ZNF676: variants seen among roughly 807,000 people sequenced by gnomAD.
ZNF676 encodes zinc finger protein 676.
A neutral mutation model predicts 6.0 loss-of-function variants in ZNF676; 4 were observed. The observed-to-expected ratio is 0.67, with a 90% confidence interval of 0.33 to 1.53. The LOEUF (loss-of-function observed/expected upper bound fraction) is 1.53, where lower values mean the gene tolerates loss of function less well. ZNF676 is among the 40% of genes most tolerant of loss of function. The pLI is 0.06. For synonymous variants in ZNF676, 198 were observed against 223.1 expected (o/e 0.89, Z 1.00); for missense variants, 644 against 679.7 (o/e 0.95, Z 0.58).
chr19:22,244,452 C>T, the ZNF676 span: 90,258 of 152,044 alleles, frequency 0.59, 27,586 homozygotes, highest in Non-Finnish European at 0.67. Flanking sequence ...ATTCCAGGTA[C>T]GGGAATCATC....
chr19:22,219,768 G>C (rs193055154), upstream of ZNF676, among the ~76,000 whole-genome samples: 4 of 151,542 alleles, frequency 2.6e-5, no homozygotes, highest in African/African-American at 4.9e-5. Flanking sequence ...CGATTCTCCC[G>C]CCTCAGCCTC....
At chr19:22,200,859 AT>A (rs113127118), upstream of ZNF676, among the ~76,000 whole-genome samples, 4 of 150,738 alleles carry the variant, frequency 2.7e-5, no homozygotes, top group South Asian at 2.1e-4. Flanking sequence ...TGCTTCTTCT[AT>A]TTTTTTTTAT....
At chr19:22,239,222 G>T in the ZNF676 span, among the ~76,000 whole-genome samples, 58 of 125,894 alleles carry the variant, frequency 4.6e-4, no homozygotes, top group South Asian at 7.4e-4. Context: ...TTTTTTTTGA[G>T]ATGGAGTCTC....
At chr19:22,183,629 C>T (rs1454541795) in intron 2 of ZNF676, among the ~76,000 whole-genome samples, 5 of 152,170 alleles carry the variant, frequency 3.3e-5, no homozygotes, top group African/African-American at 1.2e-4. Context: ...CACGAGCCGC[C>T]ATGCCCAGGT....
the ZNF676 span, among the ~76,000 whole-genome samples, chr19:22,245,788 G>A: frequency 6.6e-6 from 1 of 152,064 alleles, no homozygotes; most frequent in Non-Finnish European, 1.5e-5. Flanking sequence ...CTTGATGTTG[G>A]ACCCAGCCAT....
At chr19:22,260,233 C>A in the ZNF676 span, among the ~76,000 whole-genome samples, 1 of 152,090 alleles carries the variant, frequency 6.6e-6, no homozygotes, top group African/African-American at 2.4e-5. Flanking sequence ...ATTAGTAACT[C>A]CACACAGCGG....
the ZNF676 span, among the ~76,000 whole-genome samples, chr19:22,242,507 C>A: frequency 2.6e-5 from 4 of 151,920 alleles, no homozygotes; most frequent in African/African-American, 9.7e-5. Context: ...TAGAAATCGC[C>A]AATTTCCTAG....
chr19:22,189,173 A>G (rs1332236583), intron 2 of ZNF676, among the ~76,000 whole-genome samples: 6 of 152,298 alleles, frequency 3.9e-5, no homozygotes, highest in African/African-American at 1.4e-4. Flanking sequence ...GACAACTGAA[A>G]CAGAACAGAG....
At chr19:22,225,410 G>A in the ZNF676 span, among the ~76,000 whole-genome samples, 4 of 152,064 alleles carry the variant, frequency 2.6e-5, no homozygotes, top group African/African-American at 9.7e-5. Context: ...GGTACAATAA[G>A]CATAAATGTT....
chr19:22,197,657 C>G (rs189181755), upstream of ZNF676, among the ~76,000 whole-genome samples: 3 of 152,018 alleles, frequency 2.0e-5, no homozygotes, highest in East Asian at 3.9e-4. Context: ...CAGACAAATG[C>G]AAAGGAAACC....
intron 2 of ZNF676, among the ~76,000 whole-genome samples, chr19:22,185,685 T>C (rs890631216): frequency 6.6e-6 from 1 of 151,974 alleles, no homozygotes; most frequent in African/African-American, 2.4e-5. Context: ...GAGAAGAACA[T>C]AAATGACCTG....
chr19:22,192,870 T>C (rs1291201042), intron 2 of ZNF676, 146 bp downstream of exon 2: 2 of 849,004 alleles, frequency 2.4e-6, no homozygotes, highest in African/African-American at 3.6e-5. Flanking sequence ...TGCCCCTGTG[T>C]GAGAGAAAAT....
chr19:22,211,188 C>A (rs974306240), intron 1 of ZNF676, among the ~76,000 whole-genome samples: 3 of 151,946 alleles, frequency 2.0e-5, no homozygotes, highest in African/African-American at 7.3e-5. Flanking sequence ...ATAAGACACT[C>A]CCAAACCCCT....
At chr19:22,200,923 TGATTTTTTACTCAAGTACCAGG>T (rs2024019516), upstream of ZNF676, among the ~76,000 whole-genome samples, 1 of 152,088 alleles carries the variant, frequency 6.6e-6, no homozygotes, top group Non-Finnish European at 1.5e-5. Flanking sequence ...CCAGACCTCC[TGATTTTTTACTCAAGTACCAGG>T]GATCTGTTCT....
chr19:22,217,148 C>G (rs1203340987), upstream of ZNF676, among the ~76,000 whole-genome samples: 2 of 151,994 alleles, frequency 1.3e-5, no homozygotes, highest in East Asian at 1.9e-4. Context: ...TCCCTCACCC[C>G]CTCTCCTACC....
chr19:22,207,127 C>T (rs1010761149), intron 1 of ZNF676, among the ~76,000 whole-genome samples: 1 of 152,056 alleles, frequency 6.6e-6, no homozygotes, highest in Admixed American at 6.6e-5. Context: ...TAAAAGGCAT[C>T]CAAACAAAAA....
chr19:22,182,585 T>TAAAAAAAAAAAA (rs67699215), intron 2 of ZNF676, among the ~76,000 whole-genome samples: 2 of 45,062 alleles, frequency 4.4e-5, no homozygotes, highest in Admixed American at 2.9e-4. Flanking sequence ...GTCAAAGTTC[T>TAAAAAAAAAAAA]AAAAAAAAAA....
chr19:22,228,103 C>T, the ZNF676 span, among the ~76,000 whole-genome samples: 1 of 152,162 alleles, frequency 6.6e-6, no homozygotes, highest in Non-Finnish European at 1.5e-5. Context: ...TGAAAATCCT[C>T]AATAAAATAC....
chr19:22,254,107 T>C, the ZNF676 span, among the ~76,000 whole-genome samples: 1 of 152,206 alleles, frequency 6.6e-6, no homozygotes, highest in Non-Finnish European at 1.5e-5. Context: ...CATAGGTTTT[T>C]GGCAAAGATA....
Sources: gnomAD v4.1 joint callset for allele counts (sites outside exome capture counted in the v4.1 genomes callset) on GRCh38, gnomAD v4.1.1 for gene constraint, MANE v1.5 for transcripts, NCBI Gene and HGNC (gene_info 2026-07-23, HGNC 2026-07-21) for gene names.